The following NTRK2 variants were observed in gnomAD, a reference collection of about 807,000 sequenced individuals.
NTRK2 encodes the protein BDNF/NT-3 growth factors receptor.
In NTRK2, 13 loss-of-function variants were observed where a neutral mutation model predicts 94.5. That is an observed-to-expected ratio of 0.14 (90% CI 0.09 to 0.22). The LOEUF (loss-of-function observed/expected upper bound fraction) is 0.22. Among genes scored for constraint, NTRK2 ranks in the 10% least tolerant of loss-of-function variants. NTRK2 has a pLI of 1.00. For missense variants in NTRK2, 639 were observed against 1,071.2 expected (o/e 0.60, Z 5.63); for synonymous variants, 372 against 407.4 (o/e 0.91, Z 1.05).
chr9:84,837,543 G>A lies in NTRK2; in HGVS notation c.1397-23497G>A, dbSNP rs117936360. 6.6e-4 allele frequency among the ~76,000 whole-genome samples: 101 copies of A among 152,318 alleles called. 2 individuals are homozygous for A. The highest frequency in any genetic ancestry group is 1.2e-3 in the Non-Finnish European group (79 of 68,028). On this transcript the variant is annotated intron_variant, in intron 12 of 18. Transcript: ENST00000277120. ...TTAGATAGACCCTCAATGAATGTTA[G>A]CTTAAACTGATGCTTTCGAGGGAGG... is the stretch of plus-strand genomic sequence containing the variant.
At chr9:85,000,368 C>T (rs983729703) in intron 17 of NTRK2, among the ~76,000 whole-genome samples, 28 of 152,076 alleles carry the variant, frequency 1.8e-4, no homozygotes, top group Non-Finnish European at 3.4e-4. Context: ...GTTTCACTGC[C>T]CTAAAAATCC....
chr9:84,992,440 T>G (rs1263188869), intron 17 of NTRK2, among the ~76,000 whole-genome samples: 1 of 152,096 alleles, frequency 6.6e-6, no homozygotes, highest in African/African-American at 2.4e-5. Flanking sequence ...CCAGCCCCCT[T>G]GTAGCCTCTG....
chr9:84,731,361 G>C (rs1007444267), intron 9 of NTRK2, among the ~76,000 whole-genome samples: 3 of 152,118 alleles, frequency 2.0e-5, no homozygotes, highest in Admixed American at 2.0e-4. Context: ...GCTTGAGCCT[G>C]GGAGGCGGAG....
At chr9:84,734,582 TG>T (rs2063120888) in intron 9 of NTRK2, among the ~76,000 whole-genome samples, 1 of 152,218 alleles carries the variant, frequency 6.6e-6, no homozygotes, top group Non-Finnish European at 1.5e-5. Context: ...AGGGACCTAA[TG>T]GGAGGTAATT....
At chr9:84,897,030 T>G (rs1299185141) in intron 14 of NTRK2, among the ~76,000 whole-genome samples, 1 of 152,202 alleles carries the variant, frequency 6.6e-6, no homozygotes, top group Non-Finnish European at 1.5e-5. Flanking sequence ...CATGACTCCA[T>G]TCAACATATG....
chr9:84,874,069 G>T (rs2075973870), intron 14 of NTRK2: 1 of 1,064,092 alleles, frequency 9.4e-7, no homozygotes, highest in Non-Finnish European at 1.1e-6. Flanking sequence ...TTTGTTCTGG[G>T]TATTTCCCAA....
At chr9:84,894,091 T>G (rs1032570488) in intron 14 of NTRK2, among the ~76,000 whole-genome samples, 1 of 148,810 alleles carries the variant, frequency 6.7e-6, no homozygotes. Flanking sequence ...ATGAAAAGTC[T>G]AACAGGTGCC....
At chr9:84,924,872 G>A (rs747255640) in intron 14 of NTRK2, among the ~76,000 whole-genome samples, 5 of 152,206 alleles carry the variant, frequency 3.3e-5, no homozygotes, top group Non-Finnish European at 7.3e-5. Context: ...GTTGTATGAG[G>A]CATCTATAGG....
chr9:84,741,099 G>A (rs1369187106), intron 9 of NTRK2, among the ~76,000 whole-genome samples: 6 of 152,098 alleles, frequency 3.9e-5, no homozygotes, highest in Non-Finnish European at 8.8e-5. Context: ...TCTGATTGGA[G>A]AATAAGTAGC....
At chr9:84,833,186 G>C (rs1179367954) in intron 12 of NTRK2, among the ~76,000 whole-genome samples, 1 of 152,138 alleles carries the variant, frequency 6.6e-6, no homozygotes, top group Non-Finnish European at 1.5e-5. Context: ...GCACACTAAG[G>C]TCTGACAGCC....
intron 12 of NTRK2, among the ~76,000 whole-genome samples, chr9:84,795,447 C>T (rs1190057799): frequency 5.9e-5 from 9 of 152,108 alleles, no homozygotes; most frequent in African/African-American, 9.7e-5. Flanking sequence ...TTGGGAAACG[C>T]GAGGGCTGAG....
At chr9:84,671,983 CG>C (rs2058727428) in intron 2 of NTRK2, among the ~76,000 whole-genome samples, 2 of 152,070 alleles carry the variant, frequency 1.3e-5, no homozygotes, top group South Asian at 4.1e-4. Flanking sequence ...TATTCGTATA[CG>C]TGGAAGATTG....
intron 14 of NTRK2, among the ~76,000 whole-genome samples, chr9:84,926,165 C>CTTGCTTT (rs2077786173): frequency 6.2e-4 from 30 of 48,384 alleles, no homozygotes; most frequent in African/African-American, 1.7e-3. Flanking sequence ...TTCCTTCCTT[C>CTTGCTTT]CTTCCTTTCT....
At chr9:84,724,031 G>A (rs2062263640) in intron 7 of NTRK2, among the ~76,000 whole-genome samples, 193 bp from the exon 8 acceptor site, 2 of 152,180 alleles carry the variant, frequency 1.3e-5, no homozygotes, top group African/African-American at 4.8e-5. Context: ...TCAACCTCAT[G>A]CACTTAGCAA....
chr9:84,961,937 T>C (rs1824988883), intron 17 of NTRK2, among the ~76,000 whole-genome samples: 1 of 152,188 alleles, frequency 6.6e-6, no homozygotes, highest in African/African-American at 2.4e-5. Context: ...GAAAGTAGGA[T>C]ATAAGGAGAG....
At chr9:84,785,223 A>C (rs1472954869) in intron 12 of NTRK2, among the ~76,000 whole-genome samples, 1 of 152,098 alleles carries the variant, frequency 6.6e-6, no homozygotes, top group Non-Finnish European at 1.5e-5. Flanking sequence ...TCCTCCTCCC[A>C]CCCTCCATCA....
chr9:84,729,759 G>C (rs2062712889), intron 9 of NTRK2, among the ~76,000 whole-genome samples: 1 of 152,218 alleles, frequency 6.6e-6, no homozygotes, highest in Non-Finnish European at 1.5e-5. Flanking sequence ...ACTTGATTCA[G>C]AGTGAAGGTC....
chr9:84,971,720 G>C (rs982583431), intron 17 of NTRK2, among the ~76,000 whole-genome samples: 2 of 152,240 alleles, frequency 1.3e-5, no homozygotes, highest in African/African-American at 4.8e-5. Context: ...TTGCAACTCT[G>C]TGAGCCAGAG....
At chr9:84,715,144 GT>G (rs1588125830) in intron 6 of NTRK2, among the ~76,000 whole-genome samples, 1 of 152,132 alleles carries the variant, frequency 6.6e-6, no homozygotes, top group African/African-American at 2.4e-5. Flanking sequence ...TTTGATGAAG[GT>G]TTGCTGAATT....
Sources: gnomAD v4.1 joint callset for allele counts (sites outside exome capture counted in the v4.1 genomes callset) on GRCh38, gnomAD v4.1.1 for gene constraint, MANE v1.5 for transcripts, NCBI Gene and HGNC (gene_info 2026-07-23, HGNC 2026-07-21) for gene names.